The following AKAP9 variants were observed in gnomAD, a reference collection of about 807,000 sequenced individuals.
AKAP9 encodes A-kinase anchor protein 9.
Under a neutral mutation model 488.5 loss-of-function variants are expected in AKAP9, and 311 were observed. That is an observed-to-expected ratio of 0.64 (90% confidence interval 0.58 to 0.70). AKAP9 has a LOEUF of 0.70. AKAP9 is among the 30% of genes least tolerant of loss of function. The pLI is 0.00. For missense variants in AKAP9, 4,215 were observed against 4,374.5 expected (o/e 0.96, Z 1.03); for synonymous variants, 1,462 against 1,483.5 (o/e 0.99, Z 0.33).
chr7:91,963,481 G>GAC (rs1562902649), intron 1 of AKAP9, among the ~76,000 whole-genome samples: 16 of 115,718 alleles, frequency 1.4e-4, no homozygotes, highest in South Asian at 5.7e-4. Context: ...TAACATATTT[G>GAC]TCACACACAC....
chr7:92,026,427 C>A (rs1196388551), intron 14 of AKAP9, among the ~76,000 whole-genome samples: 2 of 152,090 alleles, frequency 1.3e-5, no homozygotes, highest in African/African-American at 2.4e-5. Flanking sequence ...CTCCCTGCCT[C>A]GGGCTCCCGT....
In AKAP9 at chr7:92,040,663, T is replaced by TTA; in HGVS notation, c.4693-11_4693-10insTA. The TTA allele has an allele frequency of 6.7e-7, 1 of 1,485,850 alleles. No individual in the cohort carries two copies. The highest frequency in any genetic ancestry group is 9.2e-7 in the Non-Finnish European group (1 of 1,084,842). 92.0% of individuals were successfully genotyped at this position (1,485,850 alleles called of 1,614,324 possible). ...GTTGAATTGTTTTTTTTTTTTTTTT[T>TTA]ACTATTAAAGATTCATGATGAGATT... On this transcript the variant is annotated splice_polypyrimidine_tract_variant and intron_variant, in intron 17 of 49. Coordinates refer to ENST00000356239, the MANE Select transcript of AKAP9 (RefSeq NM_005751.5).
chr7:92,102,551 TG>T, intron 45 of AKAP9, 42 bp from the exon 46 acceptor site: 1 of 1,566,986 alleles, frequency 6.4e-7, no homozygotes, highest in East Asian at 2.2e-5. Context: ...GCAGGGTGAA[TG>T]TTTTCTTAAT....
In AKAP9 at chr7:92,002,729, A is replaced by G. The variant is rs148584647; in HGVS notation, c.2812A>G (p.Thr938Ala). The change falls in exon 8 of 50, where the codon ACA becomes GCA. Residue 938 changes from threonine (T) to alanine (A), a missense_variant. Coordinates refer to ENST00000356239, the MANE Select transcript of AKAP9 (RefSeq NM_005751.5). ...AATGGGTGAGGTTGTTGAAAAGGAT[A>G]CAACAGAACTCATGGAAAAACTTGA... ...LEMGEVVEKD[T>A]TELMEKLEVT... is the part of the protein sequence containing the mutation. 8 of 1,613,578 alleles carry G rather than the reference A, an allele frequency of 5.0e-6. No homozygotes were observed. In the African/African-American group the frequency reaches 8.0e-5, roughly 16 times the overall value.
At chr7:92,058,127 T>C (rs766746801) in intron 22 of AKAP9, 1 of 550,100 alleles carries the variant, frequency 1.8e-6, no homozygotes, top group East Asian at 3.7e-5. Context: ...ATTAGAAAAT[T>C]GATAAAGCAA....
Position 91,973,797 on chromosome 7 carries a change from T to C in AKAP9, c.135T>C (p.Ser45=). The change falls in exon 2 of 50, where the codon AGT becomes AGC. Residue 45 remains serine, a synonymous_variant. Coordinates refer to ENST00000356239, the MANE Select transcript of AKAP9 (RefSeq NM_005751.5). ...KQKKKRKTSS[S]KHDVSAHHDL... ...AAAAAAAGAGAAAAACGTCAAGCAGTAAACATGATGTGTCAGCACACCATG... is the reference window on the plus strand; with the variant it reads ...AAAAAAAGAGAAAAACGTCAAGCAGCAAACATGATGTGTCAGCACACCATG... 6.2e-7 allele frequency: 1 copy of C among 1,614,150 alleles called. No individual in the cohort carries two copies. Among genetic ancestry groups the C allele is most frequent in the African/African-American group, 1.3e-5 (1 of 75,050 alleles).
At chr7:91,960,103 A>G (rs1793545377) in intron 1 of AKAP9, among the ~76,000 whole-genome samples, 1 of 152,252 alleles carries the variant, frequency 6.6e-6, no homozygotes, top group African/African-American at 2.4e-5. Flanking sequence ...AAGTATATAT[A>G]GTCATCATAA....
At chr7:92,100,252 T>G (rs946259637) in intron 44 of AKAP9, among the ~76,000 whole-genome samples, 25 of 152,224 alleles carry the variant, frequency 1.6e-4, no homozygotes, top group African/African-American at 6.0e-4. Context: ...GACTGTTCTC[T>G]TCATTTAATT....
intron 12 of AKAP9, among the ~76,000 whole-genome samples, chr7:92,021,208 T>G (rs776601063): frequency 2.0e-5 from 3 of 152,236 alleles, no homozygotes; most frequent in Non-Finnish European, 2.9e-5. Flanking sequence ...ATCAGTCTTC[T>G]GTATCATTGT....
chr7:92,017,093 A>G lies in AKAP9; in HGVS notation c.3828A>G (p.Arg1276=), dbSNP rs143259647. The change falls in exon 12 of 50, where the codon CGA becomes CGG. Residue 1276 remains arginine, a synonymous_variant. Coordinates refer to ENST00000356239, the MANE Select transcript of AKAP9 (RefSeq NM_005751.5). ...ACAAACTCTTGGTACTTCAAACACG[A>G]CTAAGCAAGGTCTGTGAGATGGAAA... ...EYNKLLVLQT[R]LSKIWGQQTD... 1.2e-5 allele frequency: 19 copies of G among 1,571,292 alleles called. No individual in the cohort carries two copies. Among genetic ancestry groups the G allele is most frequent in the Non-Finnish European group, 1.7e-5 (19 of 1,146,856 alleles).
chr7:92,085,735 CAAT>C lies in AKAP9; in HGVS notation c.9024+57_9024+59del. The C allele has an allele frequency of 3.2e-6, 4 of 1,267,478 alleles. No individual in the cohort carries two copies. The South Asian group carries it at 3.9e-5, about 12-fold the overall frequency. The allele number at this position is 1,267,478 out of a possible 1,614,324, so 78.5% of individuals were successfully genotyped here. A position where few individuals can be genotyped will look rare whatever the true frequency, so the allele number is the denominator to read the frequency against. Reference sequence around the variant, plus strand: ...TAAATCATTTTATGTATTATTTGAACAATAATAATACATTATAAATTAAATTAT... The same window carrying C: ...TAAATCATTTTATGTATTATTTGAACAATAATACATTATAAATTAAATTAT... On this transcript the variant is annotated intron_variant, in intron 36 of 49. Transcript: ENST00000356239.
intron 1 of AKAP9, among the ~76,000 whole-genome samples, chr7:91,956,464 C>A (rs1793027689): frequency 6.7e-6 from 1 of 150,324 alleles, no homozygotes; most frequent in Non-Finnish European, 1.5e-5. Flanking sequence ...GACAAACAAT[C>A]TAACATAAAA....
chr7:91,949,240 G>A lies in AKAP9; in HGVS notation c.48+8093G>A, dbSNP rs949223938. On this transcript the variant is annotated intron_variant, in intron 1 of 49. Transcript: ENST00000356239. ...ACCAGAGAGGAATGGGTAGAAATACGTATCCCCAGTGGGATTATCTTCCAT... is the reference window on the plus strand; with the variant it reads ...ACCAGAGAGGAATGGGTAGAAATACATATCCCCAGTGGGATTATCTTCCAT... 9.2e-5 allele frequency among the ~76,000 whole-genome samples: 14 copies of A among 152,214 alleles called. 1 individual carries two copies. The highest frequency in any genetic ancestry group is 6.2e-4 in the South Asian group (3 of 4,826).
At chr7:92,098,815 A>C (rs1295068170) in intron 43 of AKAP9, among the ~76,000 whole-genome samples, 1 of 152,174 alleles carries the variant, frequency 6.6e-6, no homozygotes, top group African/African-American at 2.4e-5. Flanking sequence ...TTGAACACTT[A>C]TTCTGTGCCA....
At chr7:92,100,811 G>T in intron 44 of AKAP9, 45 bp from the exon 45 acceptor site, 1 of 1,607,114 alleles carries the variant, frequency 6.2e-7, no homozygotes, top group South Asian at 1.1e-5. Flanking sequence ...GTTTAGCTCA[G>T]ACTTTTCTTC....
chr7:92,018,395 AACACACACACACAC>A (rs56394853), intron 12 of AKAP9, among the ~76,000 whole-genome samples: 19 of 120,608 alleles, frequency 1.6e-4, no homozygotes, highest in Middle Eastern at 4.0e-3. Context: ...CTAAAAATAT[AACACACACACACAC>A]ACACACACAC....
rs1235427693 is a variant in AKAP9 at position 92,096,900 on chromosome 7, G to C, written c.9941G>C (p.Ser3314Thr). ...SEKVRIREMS[S>T]TLDRERELHA... ...AAAGTTCGAATTCGGGAAATGAGTA[G>C]TACCCTAGATAGGGAGCGGGAATTG... The change falls in exon 41 of 50, where the codon AGT (serine) becomes ACT (threonine). Residue 3314 changes from serine (S) to threonine (T), a missense_variant. Around this residue, in one of 5 missense-constraint regions of AKAP9, gnomAD observed 1,476 missense variants for 1,477.4 expected, o/e 1.00. Coordinates refer to ENST00000356239, the MANE Select transcript of AKAP9 (RefSeq NM_005751.5). 1.2e-6 allele frequency: 2 copies of C among 1,614,118 alleles called. No homozygotes were observed. Among genetic ancestry groups the C allele is most frequent in the Non-Finnish European group, 1.7e-6 (2 of 1,180,054 alleles).
chr7:91,996,026 G>T (rs969893211), intron 7 of AKAP9: 24 of 444,112 alleles, frequency 5.4e-5, no homozygotes, highest in Non-Finnish European at 8.7e-5. Context: ...AACTGAATTA[G>T]CAGGAAAATA....
chr7:92,045,500 A>T (rs920659525), intron 21 of AKAP9, among the ~76,000 whole-genome samples: 1 of 152,162 alleles, frequency 6.6e-6, no homozygotes, highest in Non-Finnish European at 1.5e-5. Flanking sequence ...ATATATCAGC[A>T]CTTAGTACTC....
Sources: allele counts gnomAD v4.1 joint callset (sites outside exome capture counted in the v4.1 genomes callset), GRCh38; gene constraint gnomAD v4.1.1; regional missense constraint gnomAD v4.1.1; transcripts MANE v1.5; gene names NCBI Gene and HGNC (gene_info 2026-07-23, HGNC 2026-07-21).